Variants in NCALD observed in about 807,000 individuals in gnomAD.
NCALD encodes the protein neurocalcin delta.
A neutral mutation model predicts 18.6 loss-of-function variants in NCALD; 10 were observed. The observed-to-expected ratio is 0.54, with a 90% CI of 0.33 to 0.91. NCALD has a LOEUF of 0.91. NCALD is among the 40% of genes least tolerant of loss of function. The probability of loss-of-function intolerance (pLI) is 0.03; values close to 1 mark genes in which losing one functional copy is unlikely to be tolerated. For missense variants in NCALD, 184 were observed against 247.6 expected, an observed-to-expected ratio of 0.74 and a Z score of 1.72; for synonymous variants, 88 against 87.4, an observed-to-expected ratio of 1.01 and a Z score of -0.04.
At chr8:102,046,714 A>G (rs962848666) in intron 1 of NCALD, among the ~76,000 whole-genome samples, 1 of 151,824 alleles carries the variant, frequency 6.6e-6, no homozygotes, top group Non-Finnish European at 1.5e-5. Context: ...ATCCATCTCA[A>G]GCAATCTGCC....
chr8:102,060,042 G>A (rs1210027563), intron 1 of NCALD, among the ~76,000 whole-genome samples: 1 of 152,188 alleles, frequency 6.6e-6, no homozygotes, highest in Non-Finnish European at 1.5e-5. Flanking sequence ...GTGCAGTGGT[G>A]CAATCTCAGC....
At chr8:101,747,434 C>T (rs933982353) in intron 1 of NCALD, among the ~76,000 whole-genome samples, 6 of 152,262 alleles carry the variant, frequency 3.9e-5, no homozygotes, top group Admixed American at 2.0e-4. Context: ...GACTGCAAAG[C>T]CTTAGGATGA....
At chr8:102,031,245 G>T (rs569382376) in intron 1 of NCALD, among the ~76,000 whole-genome samples, 1 of 152,156 alleles carries the variant, frequency 6.6e-6, no homozygotes, top group African/African-American at 2.4e-5. Context: ...AAGTCACAAG[G>T]CTGGGTTCAT....
chr8:102,080,717 TG>T (rs966067124), intron 1 of NCALD, among the ~76,000 whole-genome samples: 1 of 152,184 alleles, frequency 6.6e-6, no homozygotes, highest in African/African-American at 2.4e-5. Context: ...CATGAGGGCT[TG>T]GGGCTCCCAT....
intron 2 of NCALD, among the ~76,000 whole-genome samples, chr8:101,997,853 T>C (rs963668646): frequency 1.3e-5 from 2 of 152,234 alleles, no homozygotes; most frequent in Admixed American, 1.3e-4. Context: ...TGGATGTTTT[T>C]CCCAGAAACA....
chr8:101,801,535 A>C (rs997450312), intron 4 of NCALD, among the ~76,000 whole-genome samples: 1 of 152,038 alleles, frequency 6.6e-6, no homozygotes, highest in Non-Finnish European at 1.5e-5. Flanking sequence ...AAAGCTAGGA[A>C]TCAATATTAG....
Position 101,917,147 on chromosome 8 carries a change from ACT to A in NCALD, c.-156-1291_-156-1290del, listed in dbSNP as rs146869248. ...AAAATATCAAAATCATACCAACCAT[ACT>A]CTCAGATTATAGTGCAATAAAAATA... is the stretch of plus-strand genomic sequence containing the variant. On this transcript the variant is annotated intron_variant, in intron 2 of 6. Coordinates refer to the NCALD transcript ENST00000311028. Among the ~76,000 whole-genome samples, 770 of 152,126 alleles carry A rather than the reference ACT, an allele frequency of 5.1e-3. 6 individuals are homozygous for A. Among genetic ancestry groups the A allele is most frequent in the African/African-American group, 0.018 (738 of 41,508 alleles).
At chr8:101,860,487 A>G (rs1185954727) in intron 4 of NCALD, among the ~76,000 whole-genome samples, 1 of 152,226 alleles carries the variant, frequency 6.6e-6, no homozygotes, top group East Asian at 1.9e-4. Flanking sequence ...CTAGAGCACC[A>G]GAAATGTTGA....
chr8:102,005,227 G>C (rs1200508841), intron 2 of NCALD, among the ~76,000 whole-genome samples: 2 of 152,166 alleles, frequency 1.3e-5, no homozygotes, highest in Non-Finnish European at 2.9e-5. Flanking sequence ...GATATGAACA[G>C]ACAATTCTCA....
At chr8:101,881,331 T>C (rs1228180345) in intron 4 of NCALD, among the ~76,000 whole-genome samples, 1 of 152,218 alleles carries the variant, frequency 6.6e-6, no homozygotes, top group Non-Finnish European at 1.5e-5. Flanking sequence ...AATTTTGAAA[T>C]ACCATTTCTT....
intron 2 of NCALD, among the ~76,000 whole-genome samples, chr8:102,017,273 C>A (rs945010164): frequency 1.3e-5 from 2 of 151,908 alleles, no homozygotes; most frequent in African/African-American, 4.8e-5. Context: ...TTATTCTTGA[C>A]CCTTATCTCA....
intron 1 of NCALD, among the ~76,000 whole-genome samples, chr8:102,060,794 T>C (rs1313944366): frequency 6.6e-6 from 1 of 152,128 alleles, no homozygotes; most frequent in Non-Finnish European, 1.5e-5. Context: ...AATTCACTTC[T>C]TCACCAGAAG....
At position 102,042,812 on chromosome 8, in the gene NCALD, G is replaced by A. The variant is rs138753411; in HGVS notation, c.-209-22523C>T. Among the ~76,000 whole-genome samples, 771 of 145,188 alleles carry A rather than the reference G, an allele frequency of 5.3e-3. 16 individuals are homozygous for A. The highest frequency in any genetic ancestry group is 0.018 in the African/African-American group (716 of 39,164). On this transcript the variant is annotated intron_variant, in intron 1 of 6. Transcript: ENST00000311028. ...GGGCAGAAAGCAGAGGGGGTTGGGG[G>A]ATGTTAGGGGGTGGGTAGTTTCTGA...
chr8:101,895,848 C>A (rs1459748088), intron 3 of NCALD, among the ~76,000 whole-genome samples: 30 of 146,980 alleles, frequency 2.0e-4, no homozygotes, highest in Non-Finnish European at 3.7e-4. Flanking sequence ...CAAACCACTG[C>A]TCAAGGAAAT....
chr8:101,845,741 C>T (rs1457331564), intron 4 of NCALD, among the ~76,000 whole-genome samples: 1 of 152,152 alleles, frequency 6.6e-6, no homozygotes, highest in Non-Finnish European at 1.5e-5. Context: ...ACTACAGTCA[C>T]CCTACTGTGC....
At chr8:101,772,260 A>T (rs1811613753) in intron 1 of NCALD, among the ~76,000 whole-genome samples, 1 of 152,212 alleles carries the variant, frequency 6.6e-6, no homozygotes, top group Non-Finnish European at 1.5e-5. Context: ...CAATTAAGAA[A>T]CATGCTAACT....
chr8:101,751,436 A>G (rs1343943415), intron 1 of NCALD, among the ~76,000 whole-genome samples: 3 of 152,330 alleles, frequency 2.0e-5, no homozygotes, highest in African/African-American at 7.2e-5. Context: ...TAATGGTGAC[A>G]GTTATACAAC....
At chr8:101,929,427 A>G (rs551270820) in intron 2 of NCALD, among the ~76,000 whole-genome samples, 23 of 18,796 alleles carry the variant, frequency 1.2e-3, no homozygotes, top group South Asian at 4.5e-3. Flanking sequence ...GGGAGGGAGG[A>G]AGGAAGGAAG....
chr8:102,044,703 A>T (rs1823177800), intron 1 of NCALD, among the ~76,000 whole-genome samples: 1 of 152,182 alleles, frequency 6.6e-6, no homozygotes, highest in Non-Finnish European at 1.5e-5. Flanking sequence ...CTTGAGGGGG[A>T]GACTTTAAGA....
Sources: gnomAD v4.1 joint callset for allele counts (sites outside exome capture counted in the v4.1 genomes callset) on GRCh38, gnomAD v4.1.1 for gene constraint, MANE v1.5 for transcripts, NCBI Gene and HGNC (gene_info 2026-07-23, HGNC 2026-07-21) for gene names.